The following CACNA2D1 variants were observed in gnomAD, a reference collection of about 807,000 sequenced individuals.
The protein encoded by CACNA2D1 is voltage-dependent calcium channel subunit alpha-2/delta-1.
In CACNA2D1, 53 loss-of-function variants were observed where a neutral mutation model predicts 171.5. That is an observed-to-expected ratio of 0.31 (90% CI 0.25 to 0.39). The LOEUF (loss-of-function observed/expected upper bound fraction) is 0.39. CACNA2D1 is among the 10% of genes least tolerant of loss of function. CACNA2D1 has a pLI of 1.00. For synonymous variants in CACNA2D1, 442 were observed against 443.1 expected (o/e 1.00, Z 0.03); for missense variants, 903 against 1,299.8 (o/e 0.69, Z 4.69).
At chr7:82,377,262 T>G (rs1052605933) in intron 1 of CACNA2D1, among the ~76,000 whole-genome samples, 8 of 152,202 alleles carry the variant, frequency 5.3e-5, no homozygotes, top group African/African-American at 1.9e-4. Context: ...GATTAAAGCT[T>G]CAGAGTTGCT....
intron 2 of CACNA2D1, among the ~76,000 whole-genome samples, chr7:82,348,166 A>C (rs1377161868): frequency 6.6e-6 from 1 of 152,172 alleles, no homozygotes; most frequent in Non-Finnish European, 1.5e-5. Context: ...TGATTAAATA[A>C]AATCTTTGCT....
chr7:82,209,621 A>G (rs1800356445), intron 3 of CACNA2D1, among the ~76,000 whole-genome samples: 1 of 152,196 alleles, frequency 6.6e-6, no homozygotes. Context: ...AGTTATAAGA[A>G]GATAGATTCC....
intron 3 of CACNA2D1, among the ~76,000 whole-genome samples, chr7:82,323,953 T>A (rs980827752): frequency 1.3e-5 from 2 of 152,236 alleles, no homozygotes; most frequent in African/African-American, 4.8e-5. Context: ...TATATTTGAT[T>A]ACCACATTTT....
chr7:82,248,913 C>A (rs568657198), intron 3 of CACNA2D1, among the ~76,000 whole-genome samples: 28 of 151,974 alleles, frequency 1.8e-4, no homozygotes, highest in Admixed American at 1.6e-3. Flanking sequence ...GTCAGAAGAT[C>A]GAGACCATCC....
rs1337854460 is a variant in CACNA2D1 at position 82,148,703 on chromosome 7, T to C, written c.355-12027A>G. On this transcript the variant is annotated intron_variant, in intron 4 of 38. Coordinates refer to ENST00000356860, the MANE Select transcript of CACNA2D1 (RefSeq NM_000722.4). Reference sequence around the variant, plus strand: ...GACCAGCTGGAGTGCAGTGGCACAATCTCGGCTCAGTGCAACCTCCGCCTC... The same window carrying C: ...GACCAGCTGGAGTGCAGTGGCACAACCTCGGCTCAGTGCAACCTCCGCCTC... Among the ~76,000 whole-genome samples, 4 of 152,304 alleles carry C rather than the reference T, an allele frequency of 2.6e-5. No individual in the cohort carries two copies. The East Asian group carries it at 7.7e-4, about 29-fold the overall frequency.
At chr7:82,008,904 G>C (rs116596892) in intron 15 of CACNA2D1, among the ~76,000 whole-genome samples, 328 of 152,188 alleles carry the variant, frequency 2.2e-3, no homozygotes, top group African/African-American at 7.5e-3. Flanking sequence ...CAATAATAGA[G>C]AAGCTTCCAG....
chr7:81,975,385 T>C (rs1795736064), intron 24 of CACNA2D1, among the ~76,000 whole-genome samples: 3 of 152,172 alleles, frequency 2.0e-5, no homozygotes, highest in Admixed American at 2.0e-4. Context: ...ATTTGCAAAT[T>C]ATCTTTAATT....
chr7:82,276,138 A>T (rs1424493753), intron 3 of CACNA2D1, among the ~76,000 whole-genome samples: 1 of 152,216 alleles, frequency 6.6e-6, no homozygotes, highest in South Asian at 2.1e-4. Flanking sequence ...CAGCATCAAG[A>T]AGTATTTAAT....
intron 24 of CACNA2D1, among the ~76,000 whole-genome samples, chr7:81,982,314 G>C (rs190947849): frequency 2.4e-4 from 36 of 152,278 alleles, no homozygotes; most frequent in Non-Finnish European, 4.3e-4. Context: ...ATTTTCAATG[G>C]AGACGGGGTT....
chr7:82,330,347 T>C (rs1325463878), intron 3 of CACNA2D1, among the ~76,000 whole-genome samples: 1 of 152,108 alleles, frequency 6.6e-6, no homozygotes, highest in African/African-American at 2.4e-5. Flanking sequence ...AAAATCTGTG[T>C]TCATGTATGC....
chr7:82,021,795 G>A (rs1202938371), intron 12 of CACNA2D1, among the ~76,000 whole-genome samples: 2 of 151,996 alleles, frequency 1.3e-5, no homozygotes, highest in Admixed American at 6.6e-5. Context: ...GGGATGTCTG[G>A]GGAAAGAGAC....
intron 3 of CACNA2D1, among the ~76,000 whole-genome samples, chr7:82,227,196 G>C (rs1802455018): frequency 6.6e-6 from 1 of 152,122 alleles, no homozygotes; most frequent in South Asian, 2.1e-4. Context: ...TTCTCAATGA[G>C]TTCAGGAATT....
At chr7:82,005,280 T>C in intron 18 of CACNA2D1, 143 bp downstream of exon 18, 1 of 666,858 alleles carries the variant, frequency 1.5e-6, no homozygotes, top group South Asian at 1.8e-5. Context: ...GTGTGGTCCT[T>C]GTCATCTAAG....
At chr7:81,983,248 G>C in intron 23 of CACNA2D1, 66 bp downstream of exon 23, 1 of 1,340,370 alleles carries the variant, frequency 7.5e-7, no homozygotes, top group East Asian at 2.3e-5. Flanking sequence ...CAATAGGAAG[G>C]AAAATATCAG....
chr7:82,119,905 G>A (rs575937181), intron 5 of CACNA2D1, among the ~76,000 whole-genome samples: 4 of 152,310 alleles, frequency 2.6e-5, no homozygotes, highest in South Asian at 4.1e-4. Flanking sequence ...GTCTTGGCTA[G>A]GTCCAGTGGC....
At chr7:82,094,464 A>G (rs1020618632) in intron 6 of CACNA2D1, among the ~76,000 whole-genome samples, 2 of 152,170 alleles carry the variant, frequency 1.3e-5, no homozygotes, top group African/African-American at 2.4e-5. Flanking sequence ...GGACATCTGT[A>G]TACAAAAAAA....
intron 3 of CACNA2D1, among the ~76,000 whole-genome samples, chr7:82,272,323 T>C (rs1585292422): frequency 6.6e-6 from 1 of 152,172 alleles, no homozygotes; most frequent in East Asian, 1.9e-4. Context: ...GTTGTAGTCA[T>C]GTGTTCAACA....
intron 10 of CACNA2D1, chr7:82,050,363 C>T: frequency 2.0e-6 from 1 of 512,794 alleles, no homozygotes; most frequent in Admixed American, 3.2e-5. Context: ...GTTTATTACT[C>T]ATAGCAACAG....
intron 1 of CACNA2D1, among the ~76,000 whole-genome samples, chr7:82,439,845 G>T (rs1244333765): frequency 1.3e-5 from 2 of 151,578 alleles, no homozygotes; most frequent in East Asian, 1.9e-4. Flanking sequence ...ACTGTTTCAG[G>T]TTTTATTTTA....
Sources: gnomAD v4.1 joint callset for allele counts (sites outside exome capture counted in the v4.1 genomes callset) on GRCh38, gnomAD v4.1.1 for gene constraint, MANE v1.5 for transcripts, NCBI Gene and HGNC (gene_info 2026-07-23, HGNC 2026-07-21) for gene names.